The following SRBD1 variants were observed in gnomAD, a reference collection of about 807,000 sequenced individuals.
SRBD1 encodes the protein S1 RNA-binding domain-containing protein 1.
SRBD1 carries 88 observed loss-of-function variants against 115.3 expected under a neutral mutation model. The ratio of observed to expected loss-of-function variants is 0.76; its 90% CI spans 0.64 to 0.91. SRBD1 has a LOEUF of 0.91. SRBD1 is among the 40% of genes least tolerant of loss of function. SRBD1 has a pLI of 0.00. For synonymous variants in SRBD1, 509 were observed against 407.7 expected, an observed-to-expected ratio of 1.25 and a Z score of -2.99; for missense variants, 1,385 against 1,177.4, an observed-to-expected ratio of 1.18 and a Z score of -2.58.
intron 14 of SRBD1, among the ~76,000 whole-genome samples, chr2:45,507,870 A>T (rs567477703): frequency 6.6e-6 from 1 of 152,282 alleles, no homozygotes; most frequent in East Asian, 1.9e-4. Flanking sequence ...ATTTTTGGCA[A>T]ATACATTTTA....
chr2:45,444,111 T>G (rs975824396), intron 16 of SRBD1, among the ~76,000 whole-genome samples: 1 of 152,108 alleles, frequency 6.6e-6, no homozygotes, highest in African/African-American at 2.4e-5. Context: ...CAGAACATAT[T>G]AATATTTATA....
At chr2:45,579,221 A>G (rs1292384665) in intron 7 of SRBD1, among the ~76,000 whole-genome samples, 1 of 152,144 alleles carries the variant, frequency 6.6e-6, no homozygotes, top group Non-Finnish European at 1.5e-5. Flanking sequence ...TCCCTCTCTT[A>G]TTCTCTGTTG....
intron 9 of SRBD1, among the ~76,000 whole-genome samples, chr2:45,566,399 C>T (rs1174652254): frequency 6.6e-6 from 1 of 152,158 alleles, no homozygotes; most frequent in Non-Finnish European, 1.5e-5. Context: ...CATACTAATA[C>T]ATACCATAAC....
chr2:45,545,970 G>C (rs1672107731), intron 14 of SRBD1, among the ~76,000 whole-genome samples: 2 of 152,120 alleles, frequency 1.3e-5, no homozygotes, highest in African/African-American at 2.4e-5. Context: ...CATTCTTTTA[G>C]TTATTAGTTT....
At chr2:45,390,532 T>G (rs1441934806) in intron 20 of SRBD1, among the ~76,000 whole-genome samples, 1 of 152,222 alleles carries the variant, frequency 6.6e-6, no homozygotes, top group Non-Finnish European at 1.5e-5. Context: ...GGACTCCATT[T>G]ATCCATGCTC....
intron 14 of SRBD1, among the ~76,000 whole-genome samples, chr2:45,538,116 C>T (rs907531466): frequency 2.0e-5 from 3 of 151,960 alleles, no homozygotes; most frequent in African/African-American, 4.8e-5. Flanking sequence ...AAGCCCAGGG[C>T]GAGAGAAGGA....
chr2:45,483,893 T>C (rs947003503), intron 15 of SRBD1, among the ~76,000 whole-genome samples: 3 of 152,074 alleles, frequency 2.0e-5, no homozygotes, highest in Non-Finnish European at 4.4e-5. Flanking sequence ...CTGAGAAAGA[T>C]GTTGAACTGA....
intron 14 of SRBD1, among the ~76,000 whole-genome samples, chr2:45,494,730 A>G (rs1670404565): frequency 6.6e-6 from 1 of 152,206 alleles, no homozygotes; most frequent in Non-Finnish European, 1.5e-5. Context: ...AAATATGTGA[A>G]GTGATGCAGC....
At chr2:45,399,761 A>T (rs1308535835) in intron 19 of SRBD1, among the ~76,000 whole-genome samples, 1 of 152,152 alleles carries the variant, frequency 6.6e-6, no homozygotes, top group Non-Finnish European at 1.5e-5. Context: ...GAATTTCTGA[A>T]TAAGAGTTGG....
intron 16 of SRBD1, among the ~76,000 whole-genome samples, chr2:45,463,380 A>G (rs1669384001): frequency 6.6e-6 from 1 of 152,180 alleles, no homozygotes. Flanking sequence ...AAGTAATTAC[A>G]TTTGCCTGTG....
At chr2:45,531,888 A>C (rs17033801) in intron 14 of SRBD1, among the ~76,000 whole-genome samples, 6,268 of 151,852 alleles carry the variant, frequency 0.041, 306 homozygotes, top group East Asian at 0.13. Flanking sequence ...CTGGAAGTTA[A>C]ACTGGTTGAA....
chr2:45,439,248 T>C (rs1425048390), intron 16 of SRBD1, among the ~76,000 whole-genome samples: 1 of 151,834 alleles, frequency 6.6e-6, no homozygotes, highest in Non-Finnish European at 1.5e-5. Flanking sequence ...CTAAAGGAAA[T>C]TGACACCAGC....
intron 16 of SRBD1, among the ~76,000 whole-genome samples, chr2:45,429,881 T>C (rs1301455017): frequency 6.6e-6 from 1 of 152,164 alleles, no homozygotes; most frequent in Non-Finnish European, 1.5e-5. Flanking sequence ...TGACTGTATA[T>C]TTAGAACACC....
intron 16 of SRBD1, among the ~76,000 whole-genome samples, chr2:45,422,466 G>C (rs1668034098): frequency 1.3e-5 from 2 of 152,262 alleles, no homozygotes; most frequent in South Asian, 4.1e-4. Flanking sequence ...AATTAAATCA[G>C]TGATTTGCCA....
intron 16 of SRBD1, among the ~76,000 whole-genome samples, chr2:45,451,514 T>C (rs942020450): frequency 6.6e-6 from 1 of 152,004 alleles, no homozygotes; most frequent in African/African-American, 2.4e-5. Context: ...GGAAGAGAGA[T>C]AGCATTCATG....
At chr2:45,569,684 C>T (rs1386387089) in intron 9 of SRBD1, among the ~76,000 whole-genome samples, 1 of 152,100 alleles carries the variant, frequency 6.6e-6, no homozygotes, top group African/African-American at 2.4e-5. Context: ...CCCTTCCTTT[C>T]TCAAAAAACT....
intron 14 of SRBD1, among the ~76,000 whole-genome samples, chr2:45,541,388 C>T (rs1409627990): frequency 6.6e-6 from 1 of 152,234 alleles, no homozygotes; most frequent in East Asian, 1.9e-4. Context: ...AGGTCTGCAG[C>T]ATGGCAGGCA....
chr2:45,595,342 A>G (rs1299358838), intron 4 of SRBD1, among the ~76,000 whole-genome samples: 1 of 152,250 alleles, frequency 6.6e-6, no homozygotes, highest in Non-Finnish European at 1.5e-5. Context: ...AAGGATATAT[A>G]AATGACATTT....
At chr2:45,577,678 A>G (rs181856644) in intron 7 of SRBD1, among the ~76,000 whole-genome samples, 4 of 152,068 alleles carry the variant, frequency 2.6e-5, no homozygotes, top group Non-Finnish European at 5.9e-5. Context: ...AAACTGAACT[A>G]TCTGGTTTCT....
Sources: allele counts gnomAD v4.1 joint callset (sites outside exome capture counted in the v4.1 genomes callset), GRCh38; gene constraint gnomAD v4.1.1; transcripts MANE v1.5; gene names NCBI Gene and HGNC (gene_info 2026-07-23, HGNC 2026-07-21).